PARD3: variants seen among roughly 807,000 people sequenced by gnomAD.
PARD3 encodes par-3 family cell polarity regulator.
Under a neutral mutation model 155.4 loss-of-function variants are expected in PARD3, and 75 were observed. The observed-to-expected ratio is 0.48, with a 90% CI of 0.40 to 0.58. The LOEUF is 0.58. Ranked by LOEUF, PARD3 falls within the 20% of genes least tolerant of loss-of-function variation. PARD3 has a pLI of 0.00. For missense variants in PARD3, 1,642 were observed against 1,721.7 expected, an observed-to-expected ratio of 0.95 and a Z score of 0.82; for synonymous variants, 576 against 610.5, an observed-to-expected ratio of 0.94 and a Z score of 0.83.
At position 34,120,004 on chromosome 10, in the gene PARD3, A is replaced by ATTTTTTTTTTTTTTTTTTT. The variant is rs1185067110; in HGVS notation, c.3541-283_3541-265dup. On this transcript the variant is annotated intron_variant, in intron 23 of 24. Transcript: ENST00000374788. ...AGATCAAACTTTCTAGTCTTCTTTA[A>ATTTTTTTTTTTTTTTTTTT]TTTTTTTTTTTTTTTTTTTTTTTTT... Among the ~76,000 whole-genome samples, 9 of 73,824 alleles carry ATTTTTTTTTTTTTTTTTTT rather than the reference A, an allele frequency of 1.2e-4. 1 individual carries two copies. The highest frequency in any genetic ancestry group is 4.1e-4 in the African/African-American group (7 of 17,054). The allele number at this position is 73,824 out of a possible 152,430, so 48.4% of individuals were successfully genotyped here. A position where few individuals can be genotyped will look rare whatever the true frequency, so the allele number is the denominator to read the frequency against.
At position 34,803,803 on chromosome 10, in the gene PARD3, G is replaced by A. The variant is rs113170487; in HGVS notation, c.120+11073C>T. Among the ~76,000 whole-genome samples, 1,166 of 151,792 alleles carry A rather than the reference G, an allele frequency of 7.7e-3. 15 individuals are homozygous for A. The highest frequency in any genetic ancestry group is 0.026 in the African/African-American group (1,083 of 41,384). Reference sequence around the variant, plus strand: ...GGGTGACACAGCAAGACTCCATCTCGGAAAATAAAAAATAAAAATAAAAAA... The same window carrying A: ...GGGTGACACAGCAAGACTCCATCTCAGAAAATAAAAAATAAAAATAAAAAA... On this transcript the variant is annotated intron_variant, in intron 1 of 24. Coordinates refer to ENST00000374788, the MANE Select transcript of PARD3 (RefSeq NM_001184785.2).
intron 22 of PARD3, among the ~76,000 whole-genome samples, chr10:34,246,357 G>C (rs1358855443): frequency 6.6e-6 from 1 of 152,112 alleles, no homozygotes; most frequent in Non-Finnish European, 1.5e-5. Flanking sequence ...GCAGGAACTG[G>C]GGACCAAGAT....
rs190759555 is a variant in PARD3 at position 34,397,834 on chromosome 10, T to C, written c.890+1496A>G. On this transcript the variant is annotated intron_variant, in intron 7 of 24. Transcript: ENST00000374788. ...TGTTTCACAGGCATTTTAAGACATA[T>C]GCATATCGGGAAGCTATAATCCATG... 8.0e-4 allele frequency among the ~76,000 whole-genome samples: 122 copies of C among 152,334 alleles called. 1 individual carries two copies. Among genetic ancestry groups the C allele is most frequent in the African/African-American group, 2.8e-3 (117 of 41,568 alleles).
intron 20 of PARD3, among the ~76,000 whole-genome samples, chr10:34,289,669 G>A (rs1158455420): frequency 2.0e-5 from 3 of 152,192 alleles, no homozygotes; most frequent in African/African-American, 7.2e-5. Context: ...GATGCAGTGA[G>A]CTAATCCTGT....
chr10:34,650,183 T>C (rs2092963359), intron 2 of PARD3, among the ~76,000 whole-genome samples: 1 of 152,200 alleles, frequency 6.6e-6, no homozygotes, highest in Non-Finnish European at 1.5e-5. Context: ...AGTCAAAGAT[T>C]GTCATGATCA....
At position 34,599,779 on chromosome 10, in the gene PARD3, T is replaced by C. The variant is rs148933065; in HGVS notation, c.223-82620A>G. ...CAACCTGAGGTCTACAAGACAGCAA[T>C]GCCCTTTCTTTCCACTACAACATGT... On this transcript the variant is annotated intron_variant, in intron 2 of 24. Transcript: ENST00000374788. Among the ~76,000 whole-genome samples the C allele has an allele frequency of 3.7e-3, 561 of 152,348 alleles. 17 individuals carry two copies. The highest frequency in any genetic ancestry group is 0.031 in the Admixed American group (472 of 15,300).
chr10:34,668,101 G>A (rs751595135), intron 2 of PARD3, among the ~76,000 whole-genome samples: 4 of 152,108 alleles, frequency 2.6e-5, no homozygotes, highest in African/African-American at 7.2e-5. Flanking sequence ...TAACTACCAC[G>A]GGTTCGTAAA....
At chr10:34,274,882 T>C (rs1018648807) in intron 21 of PARD3, among the ~76,000 whole-genome samples, 2 of 152,136 alleles carry the variant, frequency 1.3e-5, no homozygotes, top group Non-Finnish European at 2.9e-5. Context: ...AAGGGAGGCA[T>C]AAACCTAAAT....
intron 5 of PARD3, among the ~76,000 whole-genome samples, chr10:34,444,128 T>A (rs563038105): frequency 6.6e-6 from 1 of 152,216 alleles, no homozygotes; most frequent in Non-Finnish European, 1.5e-5. Flanking sequence ...CATTCCCCTA[T>A]AACAGAGCTT....
At chr10:34,479,446 C>T (rs1305812011) in intron 3 of PARD3, among the ~76,000 whole-genome samples, 5 of 152,220 alleles carry the variant, frequency 3.3e-5, no homozygotes, top group East Asian at 1.9e-4. Context: ...CTTTGGGGCG[C>T]GTGAGCCACG....
intron 1 of PARD3, among the ~76,000 whole-genome samples, chr10:34,753,649 G>A (rs1387224903): frequency 6.6e-6 from 1 of 152,200 alleles, no homozygotes; most frequent in African/African-American, 2.4e-5. Context: ...CCCATCCCTG[G>A]AGGGCATGGC....
chr10:34,478,510 TAAG>T, intron 3 of PARD3, among the ~76,000 whole-genome samples: 1 of 152,248 alleles, frequency 6.6e-6, no homozygotes, highest in East Asian at 1.9e-4. Context: ...CCAACACACA[TAAG>T]GAGGGAAAAT....
intron 1 of PARD3, among the ~76,000 whole-genome samples, chr10:34,714,187 T>C (rs1024376321): frequency 6.6e-6 from 1 of 152,162 alleles, no homozygotes; most frequent in Non-Finnish European, 1.5e-5. Flanking sequence ...CACTTCCCTG[T>C]CACATTACTT....
chr10:34,812,620 T>C (rs561344339), intron 1 of PARD3, among the ~76,000 whole-genome samples: 1 of 152,268 alleles, frequency 6.6e-6, no homozygotes, highest in South Asian at 2.1e-4. Context: ...TCTGGCAACA[T>C]TTAAGGGTCA....
intron 22 of PARD3, among the ~76,000 whole-genome samples, chr10:34,216,227 T>A (rs555426298): frequency 1.3e-5 from 2 of 152,282 alleles, no homozygotes; most frequent in South Asian, 4.1e-4. Context: ...TGCACAAAAT[T>A]GAGCAAGTGG....
At chr10:34,740,351 T>TA (rs1191481060) in intron 1 of PARD3, among the ~76,000 whole-genome samples, 2 of 152,154 alleles carry the variant, frequency 1.3e-5, no homozygotes, top group African/African-American at 4.8e-5. Flanking sequence ...GGCAAAAGGA[T>TA]AAAAAATGGA....
chr10:34,168,592 G>A (rs140870078), intron 22 of PARD3, among the ~76,000 whole-genome samples: 15 of 152,268 alleles, frequency 9.9e-5, no homozygotes, highest in African/African-American at 3.4e-4. Context: ...GGGAGGGCGA[G>A]GAGCTGCACT....
intron 2 of PARD3, among the ~76,000 whole-genome samples, chr10:34,647,490 C>T (rs1436625773): frequency 5.9e-5 from 9 of 152,238 alleles, no homozygotes; most frequent in East Asian, 3.9e-4. Context: ...GCAGTAACAA[C>T]GAAAACGTTA....
chr10:34,346,555 A>T lies in PARD3; in HGVS notation c.2218+1410T>A, dbSNP rs569767283. On this transcript the variant is annotated intron_variant, in intron 15 of 24. Coordinates refer to ENST00000374788, the MANE Select transcript of PARD3 (RefSeq NM_001184785.2). ...GGGGACTGAAATTTCATCAACAAAAAAATAATTTAACAAAGATAAAGATTT... is the reference window on the plus strand; with the variant it reads ...GGGGACTGAAATTTCATCAACAAAATAATAATTTAACAAAGATAAAGATTT... The T allele has an allele frequency of 1.2e-3, 1,483 of 1,227,354 alleles. 7 individuals are homozygous for T. The highest frequency in any genetic ancestry group is 4.1e-3 in the South Asian group (295 of 71,348). The allele number at this position is 1,227,354 out of a possible 1,614,324, so 76.0% of individuals were successfully genotyped here. A position where few individuals can be genotyped will look rare whatever the true frequency, so the allele number is the denominator to read the frequency against.
Sources: gnomAD v4.1 joint callset for allele counts (sites outside exome capture counted in the v4.1 genomes callset) on GRCh38, gnomAD v4.1.1 for gene constraint, MANE v1.5 for transcripts, NCBI Gene and HGNC (gene_info 2026-07-23, HGNC 2026-07-21) for gene names.